Variants in MUC7 observed in about 807,000 individuals in gnomAD.
The protein encoded by MUC7 is mucin-7.
In MUC7, 2 loss-of-function variants were observed where a neutral mutation model predicts 2.5. The observed-to-expected ratio is 0.81, with a 90% CI of 0.33 to 2.55. MUC7 has a LOEUF of 2.55. MUC7 is among the 30% of genes most tolerant of loss of function. MUC7 has a pLI of 0.11. For missense variants in MUC7, 408 were observed against 455.6 expected (o/e 0.90, Z 0.95); for synonymous variants, 133 against 173.4 (o/e 0.77, Z 1.83).
rs531547148 is a variant in MUC7, at chr4:70,430,887, T to C, written c.-93+200T>C. ...TGTAATTTAACAGTATGACAAAAAA[T>C]TCATGAGATTTCATAGGACTAATAC... On this transcript the variant is annotated intron_variant, in intron 1 of 3. Coordinates refer to the MUC7 transcript ENST00000413702. Among the ~76,000 whole-genome samples, 5 of 152,290 alleles carry C rather than the reference T, an allele frequency of 3.3e-5. No homozygotes were observed. The South Asian group carries it at 1.0e-3, about 32-fold the overall frequency.
intron 1 of MUC7, among the ~76,000 whole-genome samples, chr4:70,435,589 T>G (rs1183556362): frequency 1.3e-5 from 2 of 152,240 alleles, no homozygotes; most frequent in Non-Finnish European, 2.9e-5. Flanking sequence ...TTTGAACCTA[T>G]GTATATCTTT....
chr4:70,453,864 T>A (rs1734352738), intron 1 of MUC7, among the ~76,000 whole-genome samples: 1 of 152,082 alleles, frequency 6.6e-6, no homozygotes, highest in Non-Finnish European at 1.5e-5. Flanking sequence ...AGGTGATGAA[T>A]CCTGCTAGGA....
At position 70,445,102 on chromosome 4, in the gene MUC7, G is replaced by C. The variant is rs1577900927; in HGVS notation, c.-93+14415G>C. Among the ~76,000 whole-genome samples, 3 of 152,116 alleles carry C rather than the reference G, an allele frequency of 2.0e-5. No homozygotes were observed. In the South Asian group the frequency reaches 6.2e-4, roughly 32 times the overall value. ...ACTTTTGTTCCCCTTGAAACCAAAC[G>C]AACTTTCATTCCCTCAACTGCTCTG... On this transcript the variant is annotated intron_variant, in intron 1 of 3. Coordinates refer to the MUC7 transcript ENST00000413702.
intron 1 of MUC7, among the ~76,000 whole-genome samples, chr4:70,451,707 A>G (rs1171987448): frequency 6.6e-6 from 1 of 152,174 alleles, no homozygotes; most frequent in Non-Finnish European, 1.5e-5. Flanking sequence ...AGAACGATCC[A>G]TGTGCTCAGG....
At chr4:70,470,710 T>A (rs1413207915), upstream of MUC7, among the ~76,000 whole-genome samples, 1 of 152,224 alleles carries the variant, frequency 6.6e-6, no homozygotes, top group Non-Finnish European at 1.5e-5. Context: ...AAAATTATAT[T>A]CTACAGTCAA....
intron 1 of MUC7, among the ~76,000 whole-genome samples, chr4:70,466,692 C>A (rs1241812290): frequency 6.6e-6 from 1 of 152,136 alleles, no homozygotes; most frequent in African/African-American, 2.4e-5. Flanking sequence ...GGGATCAATG[C>A]AACAAGAAGA....
intron 1 of MUC7, among the ~76,000 whole-genome samples, chr4:70,436,122 G>T (rs1246590994): frequency 3.3e-5 from 5 of 152,068 alleles, no homozygotes; most frequent in Non-Finnish European, 2.9e-5. Context: ...TTTCTCTCTG[G>T]CTGCCCTTAA....
At chr4:70,466,247 C>T (rs1036484775) in intron 1 of MUC7, among the ~76,000 whole-genome samples, 5 of 152,160 alleles carry the variant, frequency 3.3e-5, no homozygotes, top group South Asian at 2.1e-4. Context: ...CCTATAAGAG[C>T]TCCTGAAGGA....
intron 1 of MUC7, among the ~76,000 whole-genome samples, chr4:70,453,933 G>T (rs1021385186): frequency 1.3e-5 from 2 of 152,084 alleles, no homozygotes; most frequent in South Asian, 4.1e-4. Context: ...GTCTAGAAAC[G>T]TTGTCCAGGA....
chr4:70,466,807 T>C (rs938033525), intron 1 of MUC7, among the ~76,000 whole-genome samples: 26 of 152,158 alleles, frequency 1.7e-4, no homozygotes, highest in Non-Finnish European at 3.2e-4. Context: ...ACAATAATAC[T>C]GGGAGACTTC....
At chr4:70,473,080 T>C (rs377182584) in intron 1 of MUC7, among the ~76,000 whole-genome samples, 2 of 152,150 alleles carry the variant, frequency 1.3e-5, no homozygotes, top group Non-Finnish European at 2.9e-5. Context: ...GTCTGCACTA[T>C]GTACTAGGCA....
intron 1 of MUC7, among the ~76,000 whole-genome samples, chr4:70,454,957 T>A (rs1734377827): frequency 1.3e-5 from 2 of 152,188 alleles, no homozygotes; most frequent in African/African-American, 4.8e-5. Context: ...TTCTCAGTTA[T>A]GTACTAATAT....
At chr4:70,430,567 C>T (rs1029006967) in exon 1 of MUC7, 3 of 152,070 alleles carry the variant, frequency 2.0e-5, no homozygotes, top group Non-Finnish European at 4.4e-5. Flanking sequence ...ACTGATCCTT[C>T]TTATTTGCCA....
In MUC7 at chr4:70,481,782, A is replaced by AC. The variant is rs1735204428; in HGVS notation, c.1040dup (p.Thr348AsnfsTer8). The AC allele has an allele frequency of 6.2e-7, 1 of 1,614,016 alleles. No homozygotes were observed. The highest frequency in any genetic ancestry group is 1.3e-5 in the African/African-American group (1 of 74,904). ...CTACTCAAACTACTACTACTAAACAACCAACTTCAGCTCCTGGCCAAAATA... is the reference window on the plus strand; with the variant it reads ...CTACTCAAACTACTACTACTAAACAACCCAACTTCAGCTCCTGGCCAAAATA... On this transcript the variant is annotated frameshift_variant, in exon 3 of 3. Transcript: ENST00000304887. LOFTEE classifies it low-confidence loss of function (END_TRUNC).
intron 1 of MUC7, among the ~76,000 whole-genome samples, chr4:70,460,094 G>A (rs868712462): frequency 6.6e-6 from 1 of 151,842 alleles, no homozygotes; most frequent in Admixed American, 6.6e-5. Flanking sequence ...TCTCTGTCAC[G>A]AAAATAGAAA....
chr4:70,446,654 T>C (rs143437965), intron 1 of MUC7, among the ~76,000 whole-genome samples: 116 of 152,298 alleles, frequency 7.6e-4, no homozygotes, highest in Middle Eastern at 3.4e-3. Flanking sequence ...TCTGAGGTCC[T>C]GGAGGTTAAG....
chr4:70,470,629 G>A (rs1442232103), upstream of MUC7, among the ~76,000 whole-genome samples: 1 of 151,878 alleles, frequency 6.6e-6, no homozygotes, highest in African/African-American at 2.4e-5. Flanking sequence ...TCACTAATTG[G>A]GTAATAGCAA....
intron 1 of MUC7, among the ~76,000 whole-genome samples, chr4:70,447,917 T>C (rs949293927): frequency 1.3e-5 from 2 of 152,140 alleles, no homozygotes; most frequent in African/African-American, 2.4e-5. Flanking sequence ...CCACTAACCA[T>C]CCACACGTGC....
In MUC7 at chr4:70,481,094, C is replaced by T. The variant is rs1232610794; in HGVS notation, c.350C>T (p.Pro117Leu). 8.7e-6 allele frequency: 14 copies of T among 1,614,042 alleles called. No homozygotes were observed. The Admixed American group carries it at 1.5e-4, about 17-fold the overall frequency. Residue 117 changes from proline to leucine, a missense_variant, in exon 3 of 3, where the codon CCA (proline) becomes CTA (leucine). This residue lies in a region of MUC7 where 225 missense variants were observed against 240.5 expected (regional missense o/e 0.94). Transcript: ENST00000304887. Reference protein sequence around the residue: ...ATTQIPSVTFPSASTKITTLP... With the variant: ...ATTQIPSVTFLSASTKITTLP... ...ACCCAAATTCCATCTGTGACTTTCC[C>T]ATCAGCTTCCACCAAAATTACTACC... is the stretch of plus-strand genomic sequence containing the variant.
Sources: gnomAD v4.1 joint callset for allele counts (sites outside exome capture counted in the v4.1 genomes callset) on GRCh38, gnomAD v4.1.1 for gene constraint, gnomAD v4.1.1 regional missense constraint, MANE v1.5 for transcripts, NCBI Gene and HGNC (gene_info 2026-07-23, HGNC 2026-07-21) for gene names.